The following EXOC6 variants were observed in gnomAD, a reference collection of about 807,000 sequenced individuals.
EXOC6 encodes exocyst complex component 6, also known as SEC15-like 1.
A neutral mutation model predicts 112.5 loss-of-function variants in EXOC6; 60 were observed. The ratio of observed to expected loss-of-function variants is 0.53; its 90% confidence interval spans 0.43 to 0.66. The LOEUF (loss-of-function observed/expected upper bound fraction) is 0.66. Among genes scored for constraint, EXOC6 ranks in the 30% least tolerant of loss-of-function variants. The pLI, the probability that EXOC6 is intolerant of heterozygous loss-of-function variation, is 0.00. For synonymous variants in EXOC6, 295 were observed against 308.0 expected, an observed-to-expected ratio of 0.96 and a Z score of 0.44; for missense variants, 855 against 957.1, an observed-to-expected ratio of 0.89 and a Z score of 1.41.
intron 1 of EXOC6, among the ~76,000 whole-genome samples, chr10:92,889,691 T>C (rs1849399084): frequency 6.6e-6 from 1 of 152,184 alleles, no homozygotes; most frequent in African/African-American, 2.4e-5. Context: ...TTGATGACTG[T>C]AACTTTATAG....
At chr10:93,004,611 C>T (rs1288053658) in intron 19 of EXOC6, among the ~76,000 whole-genome samples, 1 of 152,038 alleles carries the variant, frequency 6.6e-6, no homozygotes, top group Non-Finnish European at 1.5e-5. Context: ...TTTCACATGC[C>T]TTTTTGTAAA....
At chr10:92,996,151 C>T (rs187862338) in intron 18 of EXOC6, among the ~76,000 whole-genome samples, 25 of 152,046 alleles carry the variant, frequency 1.6e-4, no homozygotes, top group African/African-American at 4.6e-4. Flanking sequence ...TTAATGCAAA[C>T]GAGGCAAAAC....
intron 8 of EXOC6, among the ~76,000 whole-genome samples, chr10:92,926,052 T>TA (rs146789374): frequency 0.3 from 41,209 of 139,604 alleles, 6,536 homozygotes; most frequent in East Asian, 0.73. Context: ...GTGGACTTTT[T>TA]AAAAAAAAAA....
chr10:92,948,573 C>CACCACTACTACTACT (rs1554900786), intron 14 of EXOC6, among the ~76,000 whole-genome samples, 194 bp downstream of exon 14: 2 of 140,184 alleles, frequency 1.4e-5, no homozygotes, highest in South Asian at 2.4e-4. Flanking sequence ...CTACTACTAC[C>CACCACTACTACTACT]ACTACTACTA....
upstream of EXOC6, among the ~76,000 whole-genome samples, chr10:92,845,552 CAAAAAAAA>C (rs1169907413): frequency 1.5e-5 from 1 of 65,556 alleles, no homozygotes; most frequent in African/African-American, 4.9e-5. Context: ...GACTCCATCT[CAAAAAAAA>C]AAAAAAAAAA....
intron 1 of EXOC6, among the ~76,000 whole-genome samples, chr10:92,874,838 T>C (rs1848615684): frequency 6.6e-6 from 1 of 152,216 alleles, no homozygotes; most frequent in Admixed American, 6.5e-5. Flanking sequence ...TCTCTGCTTC[T>C]CTCTGTACTT....
intron 18 of EXOC6, among the ~76,000 whole-genome samples, chr10:92,995,831 T>C (rs1843459015): frequency 6.6e-6 from 1 of 152,184 alleles, no homozygotes; most frequent in Non-Finnish European, 1.5e-5. Context: ...GATTGAGAAA[T>C]TGACATTCCG....
chr10:93,004,383 G>A (rs1490865729), intron 19 of EXOC6, among the ~76,000 whole-genome samples: 1 of 152,074 alleles, frequency 6.6e-6, no homozygotes, highest in African/African-American at 2.4e-5. Flanking sequence ...AACCAACACT[G>A]GTCTCTTCTA....
intron 5 of EXOC6, among the ~76,000 whole-genome samples, chr10:92,902,081 T>TAC (rs144352636): frequency 0.018 from 2,724 of 147,364 alleles, 30 homozygotes; most frequent in African/African-American, 0.02. Flanking sequence ...CACACACACA[T>TAC]ACACACACAC....
At chr10:92,930,295 G>A (rs977493289) in intron 9 of EXOC6, among the ~76,000 whole-genome samples, 13 of 152,128 alleles carry the variant, frequency 8.5e-5, no homozygotes, top group Non-Finnish European at 1.9e-4. Context: ...CTAAGGTCAG[G>A]AGTTTGAGAC....
intron 1 of EXOC6, chr10:92,834,896 A>G: frequency 1.2e-6 from 1 of 847,602 alleles, no homozygotes; most frequent in East Asian, 2.5e-5. Context: ...GCTTTTTATA[A>G]TTCTTTATAA....
intron 17 of EXOC6, among the ~76,000 whole-genome samples, chr10:92,971,259 TG>T (rs1308127211): frequency 6.6e-6 from 1 of 152,182 alleles, no homozygotes; most frequent in Non-Finnish European, 1.5e-5. Context: ...TTAGCCAGGA[TG>T]GTCTTGATCT....
intron 1 of EXOC6, among the ~76,000 whole-genome samples, chr10:92,853,643 A>G (rs943299472): frequency 6.6e-6 from 1 of 152,244 alleles, no homozygotes; most frequent in Non-Finnish European, 1.5e-5. Context: ...AGAAAGAGAT[A>G]GTCTTTTTTA....
chr10:92,927,083 A>G (rs1425850906), intron 8 of EXOC6, among the ~76,000 whole-genome samples: 3 of 152,198 alleles, frequency 2.0e-5, no homozygotes, highest in Non-Finnish European at 1.5e-5. Flanking sequence ...TATTTTCTGC[A>G]TTTTAAGTTT....
intron 18 of EXOC6, among the ~76,000 whole-genome samples, chr10:92,986,941 C>G (rs1162683658): frequency 6.6e-6 from 1 of 151,660 alleles, no homozygotes; most frequent in Non-Finnish European, 1.5e-5. Flanking sequence ...CTATTCACTC[C>G]TTAGGGGAGA....
intron 6 of EXOC6, among the ~76,000 whole-genome samples, chr10:92,911,628 C>CTCTTGG (rs1396502892): frequency 6.6e-6 from 1 of 152,078 alleles, no homozygotes; most frequent in Non-Finnish European, 1.5e-5. Flanking sequence ...AGAATAGACT[C>CTCTTGG]TCTTGGTCCA....
Position 93,058,229 on chromosome 10 carries a change from G to A in EXOC6, c.2289G>A (p.Lys763=). 6.2e-7 allele frequency: 1 copy of A among 1,602,842 alleles called. No individual in the cohort carries two copies. Among genetic ancestry groups the A allele is most frequent in the Non-Finnish European group, 8.5e-7 (1 of 1,177,350 alleles). The part of the protein sequence containing the change: ...NTALTLLEKM[K]DTSKKNNIFA... Reference sequence around the variant, plus strand: ...CATTCACATATGTTTCTAGGATGAAGGATACTAGCAAAAAGAACAATATAT... The same window carrying A: ...CATTCACATATGTTTCTAGGATGAAAGATACTAGCAAAAAGAACAATATAT... Residue 763 remains lysine, a synonymous_variant, in exon 22 of 22, where the codon AAG becomes AAA. Transcript: ENST00000260762.
intron 4 of EXOC6, among the ~76,000 whole-genome samples, chr10:92,898,907 A>C (rs974768819): frequency 1.3e-5 from 2 of 152,168 alleles, no homozygotes; most frequent in African/African-American, 4.8e-5. Flanking sequence ...GTACTTTGAA[A>C]TTCTAAGTTT....
intron 18 of EXOC6, among the ~76,000 whole-genome samples, chr10:92,978,294 T>C (rs1019260550): frequency 1.3e-5 from 2 of 151,800 alleles, no homozygotes; most frequent in Non-Finnish European, 2.9e-5. Flanking sequence ...CCTTTAGTCT[T>C]GGCTACTCAG....
Sources: allele counts gnomAD v4.1 joint callset (sites outside exome capture counted in the v4.1 genomes callset), GRCh38; gene constraint gnomAD v4.1.1; transcripts MANE v1.5; gene names NCBI Gene and HGNC (gene_info 2026-07-23, HGNC 2026-07-21).